The following ZNF440 variants were observed in gnomAD, a reference collection of about 807,000 sequenced individuals.
ZNF440 encodes zinc finger protein 440.
In ZNF440, 47 loss-of-function variants were observed where a neutral mutation model predicts 49.7. That is an observed-to-expected ratio of 0.95 (90% confidence interval 0.75 to 1.21). ZNF440 has a LOEUF of 1.21. Ranked by LOEUF, ZNF440 falls within the 50% of genes most tolerant of loss-of-function variation. The pLI is 0.00. For synonymous variants in ZNF440, 255 were observed against 237.7 expected (o/e 1.07, Z -0.67); for missense variants, 703 against 715.0 (o/e 0.98, Z 0.19).
chr19:11,833,924 A>G lies in ZNF440; in HGVS notation c.*960A>G, dbSNP rs1975986100. Reference sequence around the variant, plus strand: ...AACTGTTTATAATAACTGTATACTAACAAATGATATTCTTTTTAAATAAGA... The same window carrying G: ...AACTGTTTATAATAACTGTATACTAGCAAATGATATTCTTTTTAAATAAGA... On this transcript the variant is annotated 3_prime_UTR_variant, in exon 4 of 4. Transcript: ENST00000304060. The G allele has an allele frequency of 3.4e-6, 1 of 297,660 alleles. No individual in the cohort carries two copies. The highest frequency in any genetic ancestry group is 6.5e-6 in the Non-Finnish European group (1 of 154,294). 18.4% of individuals were successfully genotyped at this position (297,660 alleles called of 1,614,324 possible).
chr19:11,819,642 C>T (rs1022208797), intron 1 of ZNF440, among the ~76,000 whole-genome samples: 1 of 152,176 alleles, frequency 6.6e-6, no homozygotes, highest in Admixed American at 6.5e-5. Flanking sequence ...TCAAGTGATC[C>T]GTTCGCCTTG....
intron 1 of ZNF440, among the ~76,000 whole-genome samples, chr19:11,822,042 C>A: frequency 6.6e-6 from 1 of 152,192 alleles, no homozygotes; most frequent in Non-Finnish European, 1.5e-5. Context: ...AGGGAATTGA[C>A]CAAGGAGGTG....
rs1975996895 is a variant in ZNF440 at position 11,834,688 on chromosome 19, A to G, written c.*1724A>G. 6.6e-6 allele frequency: 1 copy of G among 152,350 alleles called. No homozygotes were observed. Among genetic ancestry groups the G allele is most frequent in the South Asian group, 2.1e-4 (1 of 4,828 alleles). 9.4% of individuals were successfully genotyped at this position (152,350 alleles called of 1,614,324 possible). A position where few individuals can be genotyped will look rare whatever the true frequency, so the allele number is the denominator to read the frequency against. On this transcript the variant is annotated 3_prime_UTR_variant, in exon 4 of 4. Coordinates refer to ENST00000304060, the MANE Select transcript of ZNF440 (RefSeq NM_152357.3). ...TCACATTTAAAAATATAGTTACAAAATGCCCTTGTTTTTGTCCTGATTCAT... is the reference window on the plus strand; with the variant it reads ...TCACATTTAAAAATATAGTTACAAAGTGCCCTTGTTTTTGTCCTGATTCAT...
chr19:11,823,722 G>C (rs1049950963), intron 1 of ZNF440, among the ~76,000 whole-genome samples: 1 of 152,128 alleles, frequency 6.6e-6, no homozygotes, highest in South Asian at 2.1e-4. Context: ...CCAATATTTG[G>C]GAGGCCGAGG....
intron 1 of ZNF440, 56 bp downstream of exon 1, chr19:11,814,506 G>C: frequency 6.9e-7 from 1 of 1,449,402 alleles, no homozygotes; most frequent in Admixed American, 2.6e-5. Context: ...GAATCGGCCG[G>C]AACCGGCTGA....
chr19:11,827,881 C>T (rs1005538370), intron 1 of ZNF440, among the ~76,000 whole-genome samples: 1 of 151,980 alleles, frequency 6.6e-6, no homozygotes, highest in Non-Finnish European at 1.5e-5. Flanking sequence ...CTCCAGCTTG[C>T]ATTTTTAATA....
chr19:11,820,934 G>T (rs1487686926), intron 1 of ZNF440, among the ~76,000 whole-genome samples: 2 of 152,102 alleles, frequency 1.3e-5, no homozygotes, highest in Admixed American at 6.6e-5. Flanking sequence ...ATATACATGG[G>T]GGTACACAGG....
At chr19:11,826,662 CTTTTTTTTTT>C (rs112043377) in intron 1 of ZNF440, among the ~76,000 whole-genome samples, 3 of 142,294 alleles carry the variant, frequency 2.1e-5, no homozygotes, top group Non-Finnish European at 4.6e-5. Context: ...ATTTTTTTTC[CTTTTTTTTTT>C]TTTTTTGGAG....
At chr19:11,823,464 C>T (rs565493987) in intron 1 of ZNF440, among the ~76,000 whole-genome samples, 25 of 152,158 alleles carry the variant, frequency 1.6e-4, no homozygotes, top group Non-Finnish European at 1.3e-4. Flanking sequence ...AAACAAACTG[C>T]CTTGTAAATT....
intron 1 of ZNF440, among the ~76,000 whole-genome samples, chr19:11,827,412 T>G (rs1975881059): frequency 6.6e-6 from 1 of 152,158 alleles, no homozygotes; most frequent in African/African-American, 2.4e-5. Flanking sequence ...ATTTTAGGAG[T>G]TCTTCATACC....
intron 1 of ZNF440, among the ~76,000 whole-genome samples, chr19:11,822,908 C>T (rs558969412): frequency 6.7e-6 from 1 of 148,768 alleles, no homozygotes; most frequent in East Asian, 2.0e-4. Flanking sequence ...CTATCTTTGT[C>T]TCTCTGATAA....
In ZNF440 at chr19:11,832,230, G is replaced by T; in HGVS notation, c.1054G>T (p.Val352Leu). 2 of 1,614,022 alleles carry T rather than the reference G, an allele frequency of 1.2e-6. No homozygotes were observed. Among genetic ancestry groups the T allele is most frequent in the Non-Finnish European group, 8.5e-7 (1 of 1,180,000 alleles). ...GATATGTGGAAAAGACTTTTGTTCT[G>T]TGAATTCATTTCAAAGACATGAAAA... The part of the protein sequence containing the change: ...CKICGKDFCS[V>L]NSFQRHEKIH... Residue 352 changes from valine (V) to leucine (L), a missense_variant, in exon 4 of 4, where the codon GTG (valine) becomes TTG (leucine). Physicochemically the swap from Val to Leu is conservative, Grantham distance 32. Coordinates refer to ENST00000304060, the MANE Select transcript of ZNF440 (RefSeq NM_152357.3).
At chr19:11,816,203 A>G (rs571974955) in intron 1 of ZNF440, 35 of 153,658 alleles carry the variant, frequency 2.3e-4, no homozygotes, top group Middle Eastern at 3.3e-3. Flanking sequence ...AGGCACAGGT[A>G]GTTGAGGGAT....
rs978693821 is a variant in ZNF440 at position 11,829,939 on chromosome 19, G to A, written c.4-344G>A. The A allele has an allele frequency of 3.2e-5, 7 of 220,080 alleles. No individual in the cohort carries two copies. In the South Asian group the frequency reaches 3.2e-4, roughly 10 times the overall value. 13.6% of individuals were successfully genotyped at this position (220,080 alleles called of 1,614,324 possible). A position where few individuals can be genotyped will look rare whatever the true frequency, so the allele number is the denominator to read the frequency against. On this transcript the variant is annotated intron_variant, in intron 1 of 3. Coordinates refer to ENST00000304060, the MANE Select transcript of ZNF440 (RefSeq NM_152357.3). ...ACCTGAGGTCGGCAGCCTGACCAAC[G>A]TGGAGAGACTCTGTCTCTACTAAAA... is the stretch of plus-strand genomic sequence containing the variant.
In ZNF440 at chr19:11,832,914, T is replaced by C. The variant is rs755875761; in HGVS notation, c.1738T>C (p.Ser580Pro). ...PMHVRNVGNP[S>P]DLPRTFEFMK... ...GCATGTAAGGAATGTGGGAAACCCT[T>C]CGGATCTGCCCAGAACCTTCGAATT... Residue 580 changes from serine to proline, a missense_variant, in exon 4 of 4, where the codon TCG (serine) becomes CCG (proline). By Grantham distance (74) the Ser-to-Pro change is moderately conservative. Transcript: ENST00000304060. The C allele has an allele frequency of 6.2e-7, 1 of 1,612,230 alleles. No individual in the cohort carries two copies. Among genetic ancestry groups the C allele is most frequent in the African/African-American group, 1.3e-5 (1 of 74,892 alleles).
chr19:11,814,481 C>A, intron 1 of ZNF440, 31 bp downstream of exon 1: 1 of 1,508,530 alleles, frequency 6.6e-7, no homozygotes, highest in Non-Finnish European at 8.9e-7. Context: ...GTCCGGGCGA[C>A]TGGGAGAGGG....
intron 1 of ZNF440, among the ~76,000 whole-genome samples, chr19:11,824,756 G>A (rs1479579556): frequency 7.0e-6 from 1 of 143,580 alleles, no homozygotes; most frequent in Non-Finnish European, 1.5e-5. Flanking sequence ...TGCCCAGGCT[G>A]GAGTGCAGTG....
chr19:11,816,662 C>G (rs1975736047), intron 1 of ZNF440: 1 of 152,188 alleles, frequency 6.6e-6, no homozygotes, highest in South Asian at 2.1e-4. Flanking sequence ...GAGACAGAGT[C>G]TCCTGTAGCC....
intron 1 of ZNF440, among the ~76,000 whole-genome samples, chr19:11,825,791 C>CTTTTTTTTT (rs112631754): frequency 3.4e-5 from 4 of 117,532 alleles, no homozygotes; most frequent in East Asian, 2.2e-4. Flanking sequence ...CACTGATTTT[C>CTTTTTTTTT]TTTTTTTTTT....
Sources: allele counts gnomAD v4.1 joint callset (sites outside exome capture counted in the v4.1 genomes callset), GRCh38; gene constraint gnomAD v4.1.1; transcripts MANE v1.5; gene names NCBI Gene and HGNC (gene_info 2026-07-23, HGNC 2026-07-21).